AKAP13: variants seen among roughly 807,000 people sequenced by gnomAD.
AKAP13 encodes the protein A-kinase anchor protein 13.
A neutral mutation model predicts 264.5 loss-of-function variants in AKAP13; 80 were observed. That is an observed-to-expected ratio of 0.30 (90% CI 0.25 to 0.36). The LOEUF is 0.36. AKAP13 is among the 10% of genes least tolerant of loss of function. AKAP13 has a pLI of 1.00. For missense variants in AKAP13, 3,712 were observed against 3,435.2 expected (o/e 1.08, Z -2.01); for synonymous variants, 1,380 against 1,250.2 (o/e 1.10, Z -2.19).
intron 12 of AKAP13, among the ~76,000 whole-genome samples, chr15:85,661,021 G>A (rs547670783): frequency 9.9e-5 from 15 of 152,212 alleles, no homozygotes; most frequent in African/African-American, 3.1e-4. Flanking sequence ...ATTCTGGAGG[G>A]AGCCGAGTGG....
intron 8 of AKAP13, among the ~76,000 whole-genome samples, chr15:85,625,458 G>A (rs746160): frequency 0.25 from 37,471 of 152,036 alleles, 6,277 homozygotes; most frequent in East Asian, 0.57. Flanking sequence ...ATCTGTTAGC[G>A]TGAAAACCTC....
At chr15:85,399,502 C>CAAAAAAAAAAA (rs71138392) in intron 1 of AKAP13, among the ~76,000 whole-genome samples, 11 of 77,060 alleles carry the variant, frequency 1.4e-4, no homozygotes, top group East Asian at 3.7e-4. Context: ...GACTCCGTCT[C>CAAAAAAAAAAA]AAAAAAAAAA....
chr15:85,559,081 C>G (rs1186594786), intron 5 of AKAP13, among the ~76,000 whole-genome samples: 2 of 151,998 alleles, frequency 1.3e-5, no homozygotes, highest in South Asian at 2.1e-4. Context: ...AAGCAATTCT[C>G]TTTTTTCCTG....
At chr15:85,457,587 C>T (rs767839788) in intron 1 of AKAP13, among the ~76,000 whole-genome samples, 2 of 152,158 alleles carry the variant, frequency 1.3e-5, no homozygotes, top group Admixed American at 6.5e-5. Flanking sequence ...ATCTGTATGT[C>T]ACTCTGTATT....
chr15:85,457,720 G>A (rs1041103118), intron 1 of AKAP13, among the ~76,000 whole-genome samples: 10 of 152,214 alleles, frequency 6.6e-5, no homozygotes, highest in Admixed American at 2.0e-4. Context: ...AGGATTTTGA[G>A]TTGACTACAT....
chr15:85,693,112 T>C, intron 16 of AKAP13, 165 bp from the exon 17 acceptor site: 1 of 1,270,038 alleles, frequency 7.9e-7, no homozygotes, highest in Non-Finnish European at 1.0e-6. Context: ...TGCCAACGCC[T>C]TAATTTAAAA....
chr15:85,529,875 TC>T (rs1447299328), intron 3 of AKAP13, among the ~76,000 whole-genome samples: 3 of 152,216 alleles, frequency 2.0e-5, no homozygotes, highest in African/African-American at 7.2e-5. Flanking sequence ...AAGCCTCTAA[TC>T]GTACCAAACA....
chr15:85,739,462 G>T (rs778069773), intron 33 of AKAP13, among the ~76,000 whole-genome samples: 1 of 151,488 alleles, frequency 6.6e-6, no homozygotes, highest in Non-Finnish European at 1.5e-5. Context: ...TTTCTACTAG[G>T]GTATTTTTTT....
At chr15:85,456,550 GTTTT>G (rs34952196) in intron 1 of AKAP13, among the ~76,000 whole-genome samples, 1 of 121,856 alleles carries the variant, frequency 8.2e-6, no homozygotes, top group African/African-American at 3.2e-5. Context: ...CCCACTTTCT[GTTTT>G]TTTTTTTTTT....
At chr15:85,659,570 C>T (rs1027258250) in intron 12 of AKAP13, among the ~76,000 whole-genome samples, 6 of 152,066 alleles carry the variant, frequency 3.9e-5, no homozygotes, top group Admixed American at 1.3e-4. Context: ...TAAGTTTTAA[C>T]CCCATCTCTA....
chr15:85,528,644 T>C (rs986762656), intron 3 of AKAP13, among the ~76,000 whole-genome samples: 1 of 152,166 alleles, frequency 6.6e-6, no homozygotes, highest in Admixed American at 6.5e-5. Flanking sequence ...AGTTCAAACC[T>C]AATATTTTCT....
At chr15:85,382,914 G>C (rs1240378558) in intron 1 of AKAP13, among the ~76,000 whole-genome samples, 1 of 152,242 alleles carries the variant, frequency 6.6e-6, no homozygotes, top group Non-Finnish European at 1.5e-5. Flanking sequence ...TTCACTTGCA[G>C]ATCTGTGATG....
chr15:85,717,244 G>T (rs755402860), intron 20 of AKAP13, 46 bp from the exon 21 acceptor site: 3 of 1,279,114 alleles, frequency 2.3e-6, no homozygotes, highest in African/African-American at 1.5e-5. Flanking sequence ...CAAGCCATAG[G>T]TTATCAGAAT....
At chr15:85,616,992 A>G (rs2080964203) in intron 8 of AKAP13, among the ~76,000 whole-genome samples, 1 of 152,246 alleles carries the variant, frequency 6.6e-6, no homozygotes, top group Admixed American at 6.5e-5. Flanking sequence ...CTGTGGCACA[A>G]AGCCAGAAGT....
At chr15:85,628,698 T>C (rs751663391) in intron 8 of AKAP13, among the ~76,000 whole-genome samples, 10 of 152,130 alleles carry the variant, frequency 6.6e-5, no homozygotes, top group Non-Finnish European at 1.3e-4. Context: ...AGCATTTTGA[T>C]ATTTAAAAAA....
chr15:85,555,871 G>C (rs1029862926), intron 5 of AKAP13, among the ~76,000 whole-genome samples: 1 of 152,174 alleles, frequency 6.6e-6, no homozygotes, highest in Admixed American at 6.5e-5. Flanking sequence ...CCTTATCTCT[G>C]AGAAATGGCT....
intron 8 of AKAP13, among the ~76,000 whole-genome samples, chr15:85,586,250 G>A (rs960574877): frequency 2.0e-5 from 3 of 151,396 alleles, no homozygotes; most frequent in African/African-American, 4.9e-5. Flanking sequence ...GAGTGCAGTG[G>A]TGTGATTTCA....
Position 85,521,481 on chromosome 15 carries a change from T to G in AKAP13, c.87T>G (p.Asp29Glu). 1 of 1,614,184 alleles carries G rather than the reference T, an allele frequency of 6.2e-7. No homozygotes were observed. Among genetic ancestry groups the G allele is most frequent in the Non-Finnish European group, 8.5e-7 (1 of 1,180,018 alleles). Residue 29 changes from aspartate to glutamate, a missense_variant, in exon 3 of 37, where the codon GAT becomes GAG. Transcript: ENST00000394518. ...CTGAAGAGGACAAAGCTGAAGATGA[T>G]GTAGTGTTTTACTTGGTATTTTTGG... ...LLAEEDKAED[D>E]VVFYLVFLGS...
intron 17 of AKAP13, among the ~76,000 whole-genome samples, chr15:85,706,977 G>A (rs956590099): frequency 6.6e-6 from 1 of 152,130 alleles, no homozygotes; most frequent in African/African-American, 2.4e-5. Context: ...CATGTGTCTG[G>A]GCTAAAAGAG....
Sources: allele counts gnomAD v4.1 joint callset (sites outside exome capture counted in the v4.1 genomes callset), GRCh38; gene constraint gnomAD v4.1.1; transcripts MANE v1.5; gene names NCBI Gene and HGNC (gene_info 2026-07-23, HGNC 2026-07-21).